ATXN7L1: variants seen among roughly 807,000 people sequenced by gnomAD.
The protein encoded by ATXN7L1 is ataxin-7-like protein 1.
In ATXN7L1, 15 loss-of-function variants were observed where a neutral mutation model predicts 70.8. The ratio of observed to expected loss-of-function variants is 0.21; its 90% CI spans 0.14 to 0.33. The LOEUF is 0.33. ATXN7L1 is among the 10% of genes least tolerant of loss of function. ATXN7L1 has a pLI of 1.00. For synonymous variants in ATXN7L1, 440 were observed against 445.1 expected (o/e 0.99, Z 0.14); for missense variants, 975 against 1,097.1 (o/e 0.89, Z 1.57).
chr7:105,629,211 G>A lies in ATXN7L1; in HGVS notation c.1203-4944C>T, dbSNP rs1356760585. Among the ~76,000 whole-genome samples the A allele has an allele frequency of 3.3e-5, 5 of 152,084 alleles. No homozygotes were observed. In the East Asian group the frequency reaches 9.6e-4, roughly 29 times the overall value. ...TATTAACTAGAGTCACCATGCTGGA[G>A]ATTAGATCCCTTGAATGTATTCATC... On this transcript the variant is annotated intron_variant, in intron 7 of 11. Coordinates refer to ENST00000419735, the MANE Select transcript of ATXN7L1 (RefSeq NM_020725.2).
At chr7:105,837,603 C>T (rs1216801680) in intron 2 of ATXN7L1, among the ~76,000 whole-genome samples, 2 of 152,194 alleles carry the variant, frequency 1.3e-5, no homozygotes, top group Non-Finnish European at 2.9e-5. Context: ...TGAAAAGATT[C>T]ACTTGGCATA....
intron 2 of ATXN7L1, among the ~76,000 whole-genome samples, chr7:105,866,667 G>T (rs1403880906): frequency 6.6e-6 from 1 of 152,236 alleles, no homozygotes; most frequent in African/African-American, 2.4e-5. Flanking sequence ...AACGGCATCA[G>T]CTGGGAGCAC....
intron 3 of ATXN7L1, among the ~76,000 whole-genome samples, chr7:105,784,991 T>C (rs1804083027): frequency 6.6e-6 from 1 of 152,182 alleles, no homozygotes; most frequent in South Asian, 2.1e-4. Context: ...TATTTATGGA[T>C]TGGGGTTTTA....
At chr7:105,729,304 T>TG (rs59302338) in intron 3 of ATXN7L1, among the ~76,000 whole-genome samples, 5,707 of 47,900 alleles carry the variant, frequency 0.12, 145 homozygotes, top group Non-Finnish European at 0.14. Flanking sequence ...AATGAATGAA[T>TG]AAATAAATAA....
intron 9 of ATXN7L1, among the ~76,000 whole-genome samples, chr7:105,618,431 T>C (rs975352182): frequency 6.6e-6 from 1 of 152,172 alleles, no homozygotes; most frequent in African/African-American, 2.4e-5. Flanking sequence ...ACCTACCTTA[T>C]AGTAAATGTT....
At chr7:105,722,143 G>GT (rs1236990707) in intron 3 of ATXN7L1, among the ~76,000 whole-genome samples, 1 of 152,202 alleles carries the variant, frequency 6.6e-6, no homozygotes, top group African/African-American at 2.4e-5. Context: ...AAAATGCATT[G>GT]TAACTCATCA....
chr7:105,846,485 T>C (rs753436271), intron 2 of ATXN7L1, among the ~76,000 whole-genome samples: 1 of 152,158 alleles, frequency 6.6e-6, no homozygotes, highest in Non-Finnish European at 1.5e-5. Context: ...GGTAAGGATA[T>C]AGAGAAATTA....
chr7:105,683,869 A>G (rs567981589), intron 3 of ATXN7L1, among the ~76,000 whole-genome samples: 2 of 152,314 alleles, frequency 1.3e-5, no homozygotes, highest in African/African-American at 4.8e-5. Context: ...ATTTCCATAA[A>G]GGAATCATCA....
In ATXN7L1 at chr7:105,607,855, T is replaced by C. The variant is rs1447882463; in HGVS notation, c.2583A>G (p.Pro861=). 2 of 1,551,948 alleles carry C rather than the reference T, an allele frequency of 1.3e-6. No individual in the cohort carries two copies. Among genetic ancestry groups the C allele is most frequent in the South Asian group, 2.4e-5 (2 of 84,060 alleles). ...TNRTGRIRTL[P] is the part of the protein sequence containing the mutation. ...TGGAAGTGGCTTCATAGTCTTGTTA[T>C]GGAAGAGTCCTTATCCTGCCCGTTC... The change falls in exon 12 of 12, where the codon CCA becomes CCG. Residue 861 remains proline (P), a synonymous_variant. Transcript: ENST00000419735.
chr7:105,864,456 CAAA>C lies in ATXN7L1; in HGVS notation c.250+11353_250+11355del, dbSNP rs34739253. On this transcript the variant is annotated intron_variant, in intron 2 of 11. Transcript: ENST00000419735. ...TGGGTGGCAGAGAGAGGCCCTGTCT[CAAA>C]AAAAAAAAAAAAAAAAAAAAAAAGG... Among the ~76,000 whole-genome samples, 13 of 41,076 alleles carry C rather than the reference CAAA, an allele frequency of 3.2e-4. No individual in the cohort carries two copies. In the East Asian group the frequency reaches 9.4e-3, roughly 30 times the overall value. The allele number at this position is 41,076 out of a possible 152,430, so 26.9% of individuals were successfully genotyped here.
At position 105,628,950 on chromosome 7, in the gene ATXN7L1, TTCC is replaced by T. The variant is rs1441142663; in HGVS notation, c.1203-4686_1203-4684del. ...CTCACAGTTACCGGGTTTTTTTTTTTTCCCATGGTGAGAACACTTTTTATTTTT... is the reference window on the plus strand; with the variant it reads ...CTCACAGTTACCGGGTTTTTTTTTTTCATGGTGAGAACACTTTTTATTTTT... On this transcript the variant is annotated intron_variant, in intron 7 of 11. Coordinates refer to ENST00000419735, the MANE Select transcript of ATXN7L1 (RefSeq NM_020725.2). 6.7e-5 allele frequency among the ~76,000 whole-genome samples: 10 copies of T among 149,854 alleles called. 1 individual carries two copies. The highest frequency in any genetic ancestry group is 2.4e-4 in the African/African-American group (10 of 40,958).
intron 3 of ATXN7L1, among the ~76,000 whole-genome samples, chr7:105,786,913 T>C (rs1466552727): frequency 2.0e-5 from 3 of 152,164 alleles, no homozygotes; most frequent in Admixed American, 2.0e-4. Flanking sequence ...AAAATCATAT[T>C]CAGGATGATG....
At chr7:105,871,995 ATTT>A (rs970133304) in intron 2 of ATXN7L1, among the ~76,000 whole-genome samples, 1 of 143,766 alleles carries the variant, frequency 7.0e-6, no homozygotes. Context: ...AACCAAAATA[ATTT>A]TTTTTTTTTT....
rs183366548 is a variant in ATXN7L1 at position 105,716,357 on chromosome 7, C to T, written c.356-51069G>A. ...GTGGCAAAATAGAAACCTGAGCAGA[C>T]CTCATCTTCTCATTCTTCCCGCAGC... On this transcript the variant is annotated intron_variant, in intron 3 of 11. Transcript: ENST00000419735. Among the ~76,000 whole-genome samples, 32 of 151,902 alleles carry T rather than the reference C, an allele frequency of 2.1e-4. 1 individual carries two copies. The highest frequency in any genetic ancestry group is 6.8e-4 in the African/African-American group (28 of 41,424).
At chr7:105,776,082 C>T (rs753839455) in intron 3 of ATXN7L1, among the ~76,000 whole-genome samples, 2 of 152,124 alleles carry the variant, frequency 1.3e-5, no homozygotes, top group Non-Finnish European at 1.5e-5. Context: ...TTTGAATCAG[C>T]GCTGCTAACA....
intron 3 of ATXN7L1, among the ~76,000 whole-genome samples, chr7:105,780,621 G>A (rs575003476): frequency 3.3e-5 from 5 of 151,998 alleles, no homozygotes; most frequent in South Asian, 2.1e-4. Context: ...GTGTGCAGCC[G>A]TATGGCCTTC....
chr7:105,801,919 T>C (rs1806875920), intron 2 of ATXN7L1, among the ~76,000 whole-genome samples: 2 of 152,164 alleles, frequency 1.3e-5, no homozygotes, highest in East Asian at 1.9e-4. Flanking sequence ...TTCTCATTCA[T>C]AATAAAATTC....
chr7:105,729,145 C>A (rs1185215021), intron 3 of ATXN7L1, among the ~76,000 whole-genome samples: 1 of 151,934 alleles, frequency 6.6e-6, no homozygotes, highest in African/African-American at 2.4e-5. Context: ...GTAGCATGCA[C>A]CTGTAGTCCC....
At chr7:105,793,204 T>C (rs749675829) in intron 2 of ATXN7L1, among the ~76,000 whole-genome samples, 14 of 152,344 alleles carry the variant, frequency 9.2e-5, no homozygotes, top group Non-Finnish European at 1.6e-4. Context: ...CTGAAGGGGC[T>C]GTTGGCCTGG....
Sources: gnomAD v4.1 joint callset for allele counts (sites outside exome capture counted in the v4.1 genomes callset) on GRCh38, gnomAD v4.1.1 for gene constraint, MANE v1.5 for transcripts, NCBI Gene and HGNC (gene_info 2026-07-23, HGNC 2026-07-21) for gene names.